The following ARHGEF28 variants were observed in gnomAD, a reference collection of about 807,000 sequenced individuals.
ARHGEF28 encodes 190 kDa guanine nucleotide exchange factor.
A neutral mutation model predicts 206.6 loss-of-function variants in ARHGEF28; 152 were observed. That is an observed-to-expected ratio of 0.74 (90% CI 0.64 to 0.84). The LOEUF (loss-of-function observed/expected upper bound fraction) is 0.84, where lower values mean the gene tolerates loss of function less well. Among genes scored for constraint, ARHGEF28 ranks in the 40% least tolerant of loss-of-function variants. The probability of loss-of-function intolerance (pLI) is 0.00; values close to 1 mark genes in which losing one functional copy is unlikely to be tolerated. For missense variants in ARHGEF28, 2,028 were observed against 2,073.2 expected, an observed-to-expected ratio of 0.98 and a Z score of 0.42; for synonymous variants, 763 against 776.4, an observed-to-expected ratio of 0.98 and a Z score of 0.29.
chr5:73,796,717 G>A (rs1222364206), intron 9 of ARHGEF28, among the ~76,000 whole-genome samples: 2 of 152,116 alleles, frequency 1.3e-5, no homozygotes, highest in African/African-American at 4.8e-5. Flanking sequence ...CAATATACAC[G>A]TCCTTAATAT....
chr5:73,911,203 A>G, intron 34 of ARHGEF28, 72 bp from the exon 35 acceptor site: 1 of 1,360,800 alleles, frequency 7.3e-7, no homozygotes, highest in Admixed American at 2.5e-5. Context: ...AGATTCTCTC[A>G]GGAATAAATA....
chr5:73,882,394 TA>T (rs1390498134), intron 22 of ARHGEF28, 77 bp from the exon 23 acceptor site: 3 of 1,029,114 alleles, frequency 2.9e-6, no homozygotes, highest in Non-Finnish European at 4.0e-6. Flanking sequence ...TATTTTGAAA[TA>T]GATGAAAATT....
intron 2 of ARHGEF28, among the ~76,000 whole-genome samples, chr5:73,707,385 T>G (rs1161996001): frequency 3.9e-5 from 6 of 152,178 alleles, no homozygotes; most frequent in African/African-American, 1.4e-4. Flanking sequence ...GGTTTGGCCA[T>G]CCAAAGCTTA....
chr5:73,806,535 C>CTATATATAGTATGTATATAGTATA (rs1561417493), intron 9 of ARHGEF28, among the ~76,000 whole-genome samples: 4 of 126,894 alleles, frequency 3.2e-5, no homozygotes, highest in African/African-American at 1.3e-4. Context: ...TAGTATATAT[C>CTATATATAGTATGTATATAGTATA]TATATATAGT....
intron 35 of ARHGEF28, among the ~76,000 whole-genome samples, chr5:73,914,930 G>A (rs569483362): frequency 4.6e-5 from 7 of 152,202 alleles, no homozygotes; most frequent in South Asian, 2.1e-4. Flanking sequence ...TTGTAGAGAC[G>A]GGGTTTCCCC....
At chr5:73,881,099 T>G (rs1423270868) in intron 22 of ARHGEF28, among the ~76,000 whole-genome samples, 2 of 152,132 alleles carry the variant, frequency 1.3e-5, no homozygotes, top group African/African-American at 2.4e-5. Context: ...AAAAGGCTAT[T>G]TTTCCTCTAA....
rs952185209 is a variant in ARHGEF28, at chr5:73,941,737, G to A, written c.*724G>A. The A allele has an allele frequency of 6.6e-6, 1 of 152,172 alleles. No individual in the cohort carries two copies. Among genetic ancestry groups the A allele is most frequent in the Admixed American group, 6.6e-5 (1 of 15,266 alleles). The allele number at this position is 152,172 out of a possible 1,614,324, so 9.4% of individuals were successfully genotyped here. ...TTAGAGCCCTCACTTCTATCAATCA[G>A]CTGTCCTGTCCCTGCCAGCACCTGG... On this transcript the variant is annotated 3_prime_UTR_variant, in exon 36 of 36. Transcript: ENST00000513042.
intron 4 of ARHGEF28, among the ~76,000 whole-genome samples, chr5:73,764,669 C>T (rs1752800614): frequency 6.6e-6 from 1 of 152,188 alleles, no homozygotes; most frequent in South Asian, 2.1e-4. Context: ...TTCAGTCCTC[C>T]TCCTCTACCT....
intron 35 of ARHGEF28, among the ~76,000 whole-genome samples, chr5:73,932,799 TC>T (rs1182355071): frequency 2.3e-5 from 3 of 132,446 alleles, no homozygotes; most frequent in African/African-American, 5.9e-5. Flanking sequence ...ATTTCCTATT[TC>T]TTTTTTTTTT....
chr5:73,703,590 CTCTT>C (rs1218490598), intron 2 of ARHGEF28, among the ~76,000 whole-genome samples: 1 of 152,104 alleles, frequency 6.6e-6, no homozygotes, highest in Admixed American at 6.6e-5. Flanking sequence ...TTTCCTCTCT[CTCTT>C]TAATTCAGTT....
chr5:73,906,091 C>T lies in ARHGEF28; in HGVS notation c.4161+1686C>T, dbSNP rs191661081. On this transcript the variant is annotated intron_variant, in intron 33 of 35. Transcript: ENST00000513042. Reference sequence around the variant, plus strand: ...TATTTAGACTTCGACTCTATCAAGACTTCTTTCTCTTATGACCTTTTATTC... The same window carrying T: ...TATTTAGACTTCGACTCTATCAAGATTTCTTTCTCTTATGACCTTTTATTC... Among the ~76,000 whole-genome samples the T allele has an allele frequency of 6.6e-5, 10 of 152,286 alleles. No homozygotes were observed. In the East Asian group the frequency reaches 1.7e-3, roughly 26 times the overall value.
rs995461073 is a variant in ARHGEF28 at position 73,759,749 on chromosome 5, C to T, written c.475+6547C>T. 3.9e-5 allele frequency among the ~76,000 whole-genome samples: 6 copies of T among 152,110 alleles called. No individual in the cohort carries two copies. The South Asian group carries it at 1.2e-3, about 31-fold the overall frequency. On this transcript the variant is annotated intron_variant, in intron 4 of 35. Transcript: ENST00000513042. ...TATTGCTTCTTATCTGCAGGAAAAG[C>T]CATTACATAGGAATTAACAGTTCAT...
rs1023326060 is a variant in ARHGEF28 at position 73,774,078 on chromosome 5, A to G, written c.659+40A>G. 6.6e-6 allele frequency: 10 copies of G among 1,504,454 alleles called. No individual in the cohort carries two copies. In the Admixed American group the frequency reaches 9.4e-5, roughly 14 times the overall value. 93.2% of individuals were successfully genotyped at this position (1,504,454 alleles called of 1,614,324 possible). A position where few individuals can be genotyped will look rare whatever the true frequency, so the allele number is the denominator to read the frequency against. On this transcript the variant is annotated intron_variant, in intron 5 of 35. Transcript: ENST00000513042. ...TTGATAGTCTCTCTCTTATTTGTAT[A>G]AAGTCGGCCAAGCATTATAGAAAAA...
intron 7 of ARHGEF28, among the ~76,000 whole-genome samples, chr5:73,792,906 C>T (rs1287872747): frequency 1.3e-5 from 2 of 152,016 alleles, no homozygotes; most frequent in African/African-American, 4.8e-5. Context: ...ACATTCCTAC[C>T]TCTGGCAATG....
chr5:73,909,680 G>T lies in ARHGEF28; in HGVS notation c.4430G>T (p.Arg1477Leu), dbSNP rs753309194. Residue 1477 changes from arginine to leucine, a missense_variant, in exon 34 of 36, where the codon CGG (arginine) becomes CTG (leucine). Transcript: ENST00000513042. The part of the protein sequence containing the change: ...TRESWLQERE[R>L]ECQSQEELLL... ...GAGAGCTGGCTGCAGGAGCGGGAGCGGGAGTGCCAGTCGCAGGAGGAGCTG... is the reference window on the plus strand; with the variant it reads ...GAGAGCTGGCTGCAGGAGCGGGAGCTGGAGTGCCAGTCGCAGGAGGAGCTG... 1 of 1,539,082 alleles carries T rather than the reference G, an allele frequency of 6.5e-7. No individual in the cohort carries two copies. The highest frequency in any genetic ancestry group is 8.8e-7 in the Non-Finnish European group (1 of 1,141,500).
intron 2 of ARHGEF28, among the ~76,000 whole-genome samples, chr5:73,706,840 C>G (rs913383720): frequency 2.6e-5 from 4 of 152,180 alleles, no homozygotes; most frequent in African/African-American, 9.7e-5. Flanking sequence ...TTCTTCTCTC[C>G]TCCCTTCCTG....
intron 29 of ARHGEF28, among the ~76,000 whole-genome samples, chr5:73,897,017 C>A (rs1169141154): frequency 6.6e-6 from 1 of 152,206 alleles, no homozygotes; most frequent in Non-Finnish European, 1.5e-5. Context: ...GAGTTATCTT[C>A]CGACAAAAAG....
At chr5:73,633,796 C>T (rs1195218752) in intron 1 of ARHGEF28, among the ~76,000 whole-genome samples, 1 of 151,846 alleles carries the variant, frequency 6.6e-6, no homozygotes, top group Non-Finnish European at 1.5e-5. Flanking sequence ...AGGCTGGTCT[C>T]GAACTCCTGA....
rs78818982 is a variant in ARHGEF28, at chr5:73,813,603, C to T, written c.1024+18212C>T. On this transcript the variant is annotated intron_variant, in intron 9 of 35. Transcript: ENST00000513042. ...AAAACAAAAAGATGGATTCTGACTC[C>T]GACTCACCTTTTAACTACTCGTGGC... The T allele has an allele frequency of 1.6e-3, 2,408 of 1,535,730 alleles. 14 individuals carry two copies. In the African/African-American group the frequency reaches 0.019, roughly 12 times the overall value.
Sources: gnomAD v4.1 joint callset for allele counts (sites outside exome capture counted in the v4.1 genomes callset) on GRCh38, gnomAD v4.1.1 for gene constraint, MANE v1.5 for transcripts, NCBI Gene and HGNC (gene_info 2026-07-23, HGNC 2026-07-21) for gene names.